SEC16A: variants seen among roughly 807,000 people sequenced by gnomAD.
SEC16A encodes protein transport protein Sec16A.
A neutral mutation model predicts 221.9 loss-of-function variants in SEC16A; 110 were observed. The observed-to-expected ratio is 0.50, with a 90% CI of 0.42 to 0.58. The LOEUF (loss-of-function observed/expected upper bound fraction) is 0.58. Among genes scored for constraint, SEC16A ranks in the 20% least tolerant of loss-of-function variants. The pLI is 0.00. For synonymous variants in SEC16A, 1,393 were observed against 1,257.7 expected, an observed-to-expected ratio of 1.11 and a Z score of -2.28; for missense variants, 3,165 against 3,097.8, an observed-to-expected ratio of 1.02 and a Z score of -0.52.
chr9:136,441,556 G>A lies in SEC16A; in HGVS notation c.*199C>T, dbSNP rs1836184591. On this transcript the variant is annotated 3_prime_UTR_variant, in exon 32 of 32. Coordinates refer to ENST00000684901, the MANE Select transcript of SEC16A (RefSeq NM_014866.2). ...GTCAAAGATTCAGTCTTTCCATCCA[G>A]AATCTGAAAGGATGGTGGAATTAAT... 1.7e-6 allele frequency: 1 copy of A among 579,928 alleles called. No homozygotes were observed. The highest frequency in any genetic ancestry group is 1.9e-5 in the African/African-American group (1 of 53,804). The allele number at this position is 579,928 out of a possible 1,614,324, so 35.9% of individuals were successfully genotyped here. A position where few individuals can be genotyped will look rare whatever the true frequency, so the allele number is the denominator to read the frequency against.
At chr9:136,463,279 C>T (rs1839744433) in intron 11 of SEC16A, 147 bp from the exon 12 acceptor site, 2 of 1,312,486 alleles carry the variant, frequency 1.5e-6, no homozygotes, top group East Asian at 4.7e-5. Context: ...AACCTCATCC[C>T]ATCCCAACCG....
rs192647838 is a variant in SEC16A at position 136,458,711 on chromosome 9, T to C, written c.5409+423A>G. 2.2e-4 allele frequency among the ~76,000 whole-genome samples: 33 copies of C among 152,002 alleles called. 1 individual carries two copies. The East Asian group carries it at 6.4e-3, about 29-fold the overall frequency. On this transcript the variant is annotated intron_variant, in intron 17 of 31. Transcript: ENST00000684901. ...CACTCTGGGAGGCTGAGAGGATGAC[T>C]GCTTGAGCCCAGGAGTTTAGGATCA...
At chr9:136,484,533 G>C (rs199517827), upstream of SEC16A, 65 of 1,288,848 alleles carry the variant, frequency 5.0e-5, no homozygotes, top group Non-Finnish European at 7.1e-6. Context: ...CCAGAGGGCA[G>C]GCGCCGTGGT....
chr9:136,471,974 C>T lies in SEC16A; in HGVS notation c.3704+1G>A, dbSNP rs1302720320. ...GGCAGCCAGGGTGGGCGCGGCCGCACCTGGGAGGTGGCCGTTCCGAGGAGT... is the reference window on the plus strand; with the variant it reads ...GGCAGCCAGGGTGGGCGCGGCCGCATCTGGGAGGTGGCCGTTCCGAGGAGT... On this transcript the variant is annotated splice_donor_variant, in intron 4 of 31. Coordinates refer to ENST00000684901, the MANE Select transcript of SEC16A (RefSeq NM_014866.2). LOFTEE classifies it high-confidence loss of function. The T allele has an allele frequency of 1.2e-6, 2 of 1,611,460 alleles. No homozygotes were observed. Among genetic ancestry groups the T allele is most frequent in the Admixed American group, 3.3e-5 (2 of 59,998 alleles).
At chr9:136,471,197 T>C (rs1161081709) in intron 4 of SEC16A, among the ~76,000 whole-genome samples, 2 of 151,762 alleles carry the variant, frequency 1.3e-5, no homozygotes, top group African/African-American at 4.8e-5. Context: ...CCGGGCGCAG[T>C]GGCTAATGCC....
rs755904279 is a variant in SEC16A at position 136,462,872 on chromosome 9, G to C, written c.4893+15C>G. The C allele has an allele frequency of 1.1e-5, 18 of 1,597,470 alleles. No individual in the cohort carries two copies. The highest frequency in any genetic ancestry group is 6.6e-5 in the South Asian group (6 of 90,986). ...GACATGTGCAGGCGCCAGGTGCCATGATGAGGAGGCGCACCTTCTTACGGC... is the reference window on the plus strand; with the variant it reads ...GACATGTGCAGGCGCCAGGTGCCATCATGAGGAGGCGCACCTTCTTACGGC... On this transcript the variant is annotated intron_variant, in intron 12 of 31. Coordinates refer to ENST00000684901, the MANE Select transcript of SEC16A (RefSeq NM_014866.2).
In SEC16A at chr9:136,455,668, G is replaced by T; in HGVS notation, c.5790C>A (p.Asn1930Lys). The T allele has an allele frequency of 1.3e-6, 2 of 1,593,616 alleles. No homozygotes were observed. The highest frequency in any genetic ancestry group is 1.7e-6 in the Non-Finnish European group (2 of 1,170,980). The change falls in exon 20 of 32, where the codon AAC becomes AAA. Residue 1930 changes from asparagine to lysine, a missense_variant. Asn to Lys is a moderately conservative substitution (Grantham distance 94). Around this residue, in one of 3 missense-constraint regions of SEC16A, gnomAD observed 1,088 missense variants for 1,089.6 expected, o/e 1.00. Transcript: ENST00000684901. ...LSQPGALGIA[N>K]PLLAVPAPSP... is the part of the protein sequence containing the mutation. The stretch of plus-strand genomic sequence containing the variant: ...TCGGTGCAGGCACCGCCAGCAGAGG[G>T]TTGGCGATCCCCAGGGCTCCTGGCT...
At chr9:136,470,205 T>C (rs1840677166) in intron 4 of SEC16A, among the ~76,000 whole-genome samples, 1 of 152,218 alleles carries the variant, frequency 6.6e-6, no homozygotes, top group Non-Finnish European at 1.5e-5. Flanking sequence ...AAGCCAGGGC[T>C]GAAGGCAGCC....
At chr9:136,478,395 C>A in intron 2 of SEC16A, among the ~76,000 whole-genome samples, 1 of 134,294 alleles carries the variant, frequency 7.4e-6, no homozygotes. Flanking sequence ...ACAGTGAGTC[C>A]CTAGCTCAAA....
In SEC16A at chr9:136,459,885, GA is replaced by G; in HGVS notation, c.5074-12del. The G allele has an allele frequency of 6.2e-7, 1 of 1,609,476 alleles. No homozygotes were observed. The highest frequency in any genetic ancestry group is 8.5e-7 in the Non-Finnish European group (1 of 1,177,248). ...CTCGTCTCCACAGCACTAACATGAG[GA>G]AAAACAAAACGAAGCCTCATCCCCG... On this transcript the variant is annotated splice_polypyrimidine_tract_variant and intron_variant, in intron 14 of 31. Transcript: ENST00000684901. The surrounding 1 kb of genome is among the most constrained non-coding windows in gnomAD (Gnocchi z 6.1).
chr9:136,447,185 A>T lies in SEC16A; in HGVS notation c.6697+42T>A. Reference sequence around the variant, plus strand: ...TAGAAAGAGGATCAAAGGTCAGGAGACTGGGGGCTGACCTGGAGGGGCTGG... The same window carrying T: ...TAGAAAGAGGATCAAAGGTCAGGAGTCTGGGGGCTGACCTGGAGGGGCTGG... On this transcript the variant is annotated intron_variant, in intron 27 of 31. Coordinates refer to ENST00000684901, the MANE Select transcript of SEC16A (RefSeq NM_014866.2). The surrounding 1 kb of genome is among the most constrained non-coding windows in gnomAD (Gnocchi z 5.5). 1 of 1,569,742 alleles carries T rather than the reference A, an allele frequency of 6.4e-7. No individual in the cohort carries two copies. Among genetic ancestry groups the T allele is most frequent in the South Asian group, 1.2e-5 (1 of 85,580 alleles).
At chr9:136,451,548 G>A (rs960560672) in intron 22 of SEC16A, 140 bp from the exon 23 acceptor site, 136 of 1,010,280 alleles carry the variant, frequency 1.3e-4, no homozygotes, top group Admixed American at 4.4e-4. Context: ...GAGGGAGGCA[G>A]GAAGGGGGCT....
rs1474183553 is a variant in SEC16A, at chr9:136,454,222, G to A, written c.5963C>T (p.Thr1988Ile). 1 of 1,569,368 alleles carries A rather than the reference G, an allele frequency of 6.4e-7. No individual in the cohort carries two copies. Among genetic ancestry groups the A allele is most frequent in the Admixed American group, 1.9e-5 (1 of 52,846 alleles). ...CAGGAAGCCAAGTGCAGGCCCTGGG[G>A]TCACACAGCCAGGACCCGGCTCCAG... ...GPLEPGPGCV[T>I]PGPALGFLEP... Residue 1988 changes from threonine to isoleucine, a missense_variant, in exon 21 of 32, where the codon ACC becomes ATC. This residue lies in a region of SEC16A where 1,088 missense variants were observed against 1,089.6 expected (regional missense o/e 1.00). Transcript: ENST00000684901.
chr9:136,449,537 C>T (rs1289664317), intron 23 of SEC16A, among the ~76,000 whole-genome samples: 8 of 152,122 alleles, frequency 5.3e-5, no homozygotes, highest in African/African-American at 7.3e-5. Flanking sequence ...CGTGAGCCGC[C>T]GCACCCTGAC....
At position 136,457,557 on chromosome 9, in the gene SEC16A, G is replaced by C. The variant is rs1341990451; in HGVS notation, c.5437C>G (p.Leu1813Val). ...QVFKFIYSCRLAEMGLATQAF... is the reference protein window; with the variant it reads ...QVFKFIYSCRVAEMGLATQAF... Reference sequence around the variant, plus strand: ...TGCGTGGCCAGCCCCATTTCCGCCAGGCGGCAGGAGTAGATGAACTTAAAC... The same window carrying C: ...TGCGTGGCCAGCCCCATTTCCGCCACGCGGCAGGAGTAGATGAACTTAAAC... Residue 1813 changes from leucine to valine, a missense_variant, in exon 18 of 32, where the codon CTG becomes GTG. By Grantham distance (32) the Leu-to-Val change is conservative. Coordinates refer to ENST00000684901, the MANE Select transcript of SEC16A (RefSeq NM_014866.2). 1.2e-6 allele frequency: 2 copies of C among 1,611,206 alleles called. No individual in the cohort carries two copies. The highest frequency in any genetic ancestry group is 2.2e-5 in the East Asian group (1 of 44,740).
In SEC16A at chr9:136,476,604, C is replaced by A. The variant is rs374603480; in HGVS notation, c.1012G>T (p.Ala338Ser). The stretch of plus-strand genomic sequence containing the variant: ...CGGTTTTCTGGGCTATCTCCCCGGG[C>A]GAGGGGGTTCACAAGAGCAGAGGCG... Reference protein sequence around the residue: ...RPASALVNPLARGDSPENRTH... With the variant: ...RPASALVNPLSRGDSPENRTH... Residue 338 changes from alanine to serine, a missense_variant, in exon 3 of 32, where the codon GCC becomes TCC. Coordinates refer to ENST00000684901, the MANE Select transcript of SEC16A (RefSeq NM_014866.2). The A allele has an allele frequency of 6.3e-7, 1 of 1,597,104 alleles. No individual in the cohort carries two copies. Among genetic ancestry groups the A allele is most frequent in the Non-Finnish European group, 8.6e-7 (1 of 1,169,510 alleles).
Position 136,447,043 on chromosome 9 carries a change from C to T in SEC16A, c.6698-94G>A. On this transcript the variant is annotated intron_variant, in intron 27 of 31. Transcript: ENST00000684901. The surrounding 1 kb of genome is among the most constrained non-coding windows in gnomAD (Gnocchi z 5.5). ...CCGAGAGGAAGAGAGTTTCACACTG[C>T]ACACGCGGCACACTCATGCAGAAAC... The T allele has an allele frequency of 6.3e-7, 1 of 1,585,446 alleles. No individual in the cohort carries two copies. Among genetic ancestry groups the T allele is most frequent in the Non-Finnish European group, 8.6e-7 (1 of 1,167,920 alleles).
Position 136,474,314 on chromosome 9 carries a change from G to A in SEC16A, c.3302C>T (p.Ala1101Val). The stretch of plus-strand genomic sequence containing the variant: ...ACCCGCGTCGACCAGAACCAGACTT[G>A]CTGGTGACTGTGCTGAGTTCTGGGC... ...GQAQNSAQSP[A>V]SLVLVDAGQQ... Residue 1101 changes from alanine (A) to valine (V), a missense_variant, in exon 3 of 32, where the codon GCA (alanine) becomes GTA (valine). This residue lies in a region of SEC16A where 2,030 missense variants were observed against 1,923.1 expected (regional missense o/e 1.06). Coordinates refer to ENST00000684901, the MANE Select transcript of SEC16A (RefSeq NM_014866.2). 1.4e-5 allele frequency: 22 copies of A among 1,611,466 alleles called. No homozygotes were observed. Among genetic ancestry groups the A allele is most frequent in the Non-Finnish European group, 1.8e-5 (21 of 1,179,120 alleles).
upstream of SEC16A, chr9:136,483,831 T>A (rs1335491167): frequency 2.3e-5 from 23 of 983,018 alleles, no homozygotes; most frequent in South Asian, 7.5e-4. Context: ...CGGCCGGAGC[T>A]GCGGGACGCG....
Sources: allele counts gnomAD v4.1 joint callset (sites outside exome capture counted in the v4.1 genomes callset), GRCh38; gene constraint gnomAD v4.1.1; regional missense constraint gnomAD v4.1.1; non-coding constraint Gnocchi (gnomAD v3.1); transcripts MANE v1.5; gene names NCBI Gene and HGNC (gene_info 2026-07-23, HGNC 2026-07-21).